The following EIPR1 variants were observed in gnomAD, a reference collection of about 807,000 sequenced individuals.
The protein encoded by EIPR1 is EARP and GARP complex-interacting protein 1.
In EIPR1, 25 loss-of-function variants were observed where a neutral mutation model predicts 48.1. The ratio of observed to expected loss-of-function variants is 0.52; its 90% CI spans 0.38 to 0.73. The LOEUF (loss-of-function observed/expected upper bound fraction) is 0.73, where lower values mean the gene tolerates loss of function less well. Among genes scored for constraint, EIPR1 ranks in the 30% least tolerant of loss-of-function variants. The probability of loss-of-function intolerance (pLI) is 0.00; values close to 1 mark genes in which losing one functional copy is unlikely to be tolerated. For missense variants in EIPR1, 415 were observed against 506.2 expected (o/e 0.82, Z 1.73); for synonymous variants, 204 against 201.9 (o/e 1.01, Z -0.09).
At chr2:3,264,833 G>A (rs1046700889) in intron 3 of EIPR1, among the ~76,000 whole-genome samples, 2 of 152,038 alleles carry the variant, frequency 1.3e-5, no homozygotes, top group Non-Finnish European at 2.9e-5. Flanking sequence ...GATTACTGGT[G>A]CCGCCACCAT....
rs191764379 is a variant in EIPR1 at position 3,217,869 on chromosome 2, T to C, written c.417-3621A>G. 3.0e-4 allele frequency among the ~76,000 whole-genome samples: 45 copies of C among 152,242 alleles called. 1 individual carries two copies. In the East Asian group the frequency reaches 7.5e-3, roughly 25 times the overall value. On this transcript the variant is annotated intron_variant, in intron 4 of 8. Coordinates refer to ENST00000382125, the MANE Select transcript of EIPR1 (RefSeq NM_003310.5). ...ACCCCACAGAGTGTGAGTGTCACCTTAGCTGAGAAACCCCCATTGCCACTC... is the reference window on the plus strand; with the variant it reads ...ACCCCACAGAGTGTGAGTGTCACCTCAGCTGAGAAACCCCCATTGCCACTC...
intron 2 of EIPR1, chr2:3,353,072 A>C: frequency 2.7e-6 from 1 of 374,204 alleles, no homozygotes; most frequent in Non-Finnish European, 5.4e-6. Flanking sequence ...TATTCATATA[A>C]CTTTCATAAC....
chr2:3,199,596 A>G (rs939038850), intron 5 of EIPR1, among the ~76,000 whole-genome samples: 1 of 152,230 alleles, frequency 6.6e-6, no homozygotes, highest in African/African-American at 2.4e-5. Context: ...CAGGGTACCC[A>G]TGACTCCATA....
chr2:3,200,218 G>A (rs1427284507), intron 5 of EIPR1, among the ~76,000 whole-genome samples: 10 of 152,106 alleles, frequency 6.6e-5, no homozygotes, highest in Admixed American at 2.0e-4. Flanking sequence ...GATGGCTGCC[G>A]ATGGGCTCCT....
At chr2:3,287,006 C>T (rs1405339624) in intron 3 of EIPR1, among the ~76,000 whole-genome samples, 2 of 77,340 alleles carry the variant, frequency 2.6e-5, no homozygotes, top group African/African-American at 5.4e-5. Flanking sequence ...CCGGCAGAGG[C>T]GGCGGTGGGG....
chr2:3,334,069 A>C (rs1430017173), intron 3 of EIPR1, among the ~76,000 whole-genome samples: 1 of 152,230 alleles, frequency 6.6e-6, no homozygotes. Context: ...GAGCAACAAC[A>C]AAGAAAACAC....
intron 3 of EIPR1, among the ~76,000 whole-genome samples, chr2:3,314,875 G>A (rs1388300340): frequency 1.3e-5 from 2 of 151,832 alleles, no homozygotes; most frequent in African/African-American, 4.9e-5. Flanking sequence ...GCTCTGCCTG[G>A]TGACCTGCCG....
intron 2 of EIPR1, among the ~76,000 whole-genome samples, chr2:3,347,095 C>T (rs547916108): frequency 6.6e-6 from 1 of 152,298 alleles, no homozygotes; most frequent in African/African-American, 2.4e-5. Flanking sequence ...CCTGCTCCCA[C>T]TTCGCCTTCC....
At chr2:3,263,869 T>C (rs1226047634) in intron 3 of EIPR1, among the ~76,000 whole-genome samples, 3 of 152,126 alleles carry the variant, frequency 2.0e-5, no homozygotes, top group Non-Finnish European at 4.4e-5. Flanking sequence ...AAAATGCATA[T>C]ATTTATAGTA....
chr2:3,336,852 AGGGAAGGGAAGG>A (rs1670063821), intron 3 of EIPR1, among the ~76,000 whole-genome samples: 3 of 136,248 alleles, frequency 2.2e-5, no homozygotes, highest in Non-Finnish European at 4.8e-5. Context: ...GGAAGGGAAA[AGGGAAGGGAAGG>A]GAAAAGGGAA....
chr2:3,243,841 G>A (rs568358425), intron 4 of EIPR1, among the ~76,000 whole-genome samples: 5 of 152,276 alleles, frequency 3.3e-5, no homozygotes, highest in South Asian at 2.1e-4. Context: ...GGGCTGTGAC[G>A]TACAGGGCAT....
At position 3,369,348 on chromosome 2, in the gene EIPR1, G is replaced by A. The variant is rs550139377; in HGVS notation, c.42+8300C>T. On this transcript the variant is annotated intron_variant, in intron 1 of 8. Coordinates refer to ENST00000382125, the MANE Select transcript of EIPR1 (RefSeq NM_003310.5). Reference sequence around the variant, plus strand: ...TTTCTGCATTTCCATATGAGGTACCGGGTTCATCTCACTAGGGAGTGCCAG... The same window carrying A: ...TTTCTGCATTTCCATATGAGGTACCAGGTTCATCTCACTAGGGAGTGCCAG... Among the ~76,000 whole-genome samples, 54 of 152,312 alleles carry A rather than the reference G, an allele frequency of 3.5e-4. No homozygotes were observed. The South Asian group carries it at 5.8e-3, about 16-fold the overall frequency.
intron 3 of EIPR1, among the ~76,000 whole-genome samples, chr2:3,275,165 A>C (rs1440229588): frequency 1.3e-5 from 2 of 152,346 alleles, no homozygotes; most frequent in East Asian, 3.8e-4. Context: ...ATTGTTTACA[A>C]GACATATCCC....
chr2:3,193,995 C>T lies in EIPR1; in HGVS notation c.821+4G>A. The T allele has an allele frequency of 6.2e-7, 1 of 1,613,466 alleles. No individual in the cohort carries two copies. The highest frequency in any genetic ancestry group is 2.2e-5 in the East Asian group (1 of 44,866). On this transcript the variant is annotated splice_donor_region_variant and intron_variant, in intron 7 of 8. Coordinates refer to ENST00000382125, the MANE Select transcript of EIPR1 (RefSeq NM_003310.5). ...CTCCCTGAAGCAGCCAGGAGCGGCC[C>T]TACCAGTGGGAGTGCTCCTCCAGGG...
At chr2:3,198,391 C>T (rs531618937) in intron 5 of EIPR1, among the ~76,000 whole-genome samples, 29 of 151,904 alleles carry the variant, frequency 1.9e-4, no homozygotes, top group East Asian at 7.7e-4. Context: ...CAGTGAGAGA[C>T]GCAGACACTG....
At chr2:3,214,985 G>GA (rs1665581230) in intron 4 of EIPR1, among the ~76,000 whole-genome samples, 1 of 152,182 alleles carries the variant, frequency 6.6e-6, no homozygotes, top group African/African-American at 2.4e-5. Context: ...AGGACACAGT[G>GA]AGAAGGCAGC....
intron 3 of EIPR1, among the ~76,000 whole-genome samples, chr2:3,273,725 C>T (rs934978053): frequency 2.0e-5 from 3 of 152,126 alleles, no homozygotes; most frequent in African/African-American, 7.2e-5. Flanking sequence ...TTTCCATAAA[C>T]AAATGAGAAT....
At position 3,280,790 on chromosome 2, in the gene EIPR1, C is replaced by T. The variant is rs531472391; in HGVS notation, c.260-23335G>A. On this transcript the variant is annotated intron_variant, in intron 3 of 8. Transcript: ENST00000382125. ...CCACAGTGAAAGCTGTGCCTTCCAG[C>T]GCACTCAAGGAGAGGCAGCTCCTCT... Among the ~76,000 whole-genome samples, 12 of 152,254 alleles carry T rather than the reference C, an allele frequency of 7.9e-5. No homozygotes were observed. The East Asian group carries it at 1.9e-3, about 25-fold the overall frequency.
At chr2:3,320,674 G>A (rs1321886269) in intron 3 of EIPR1, 1 of 152,238 alleles carries the variant, frequency 6.6e-6, no homozygotes, top group Non-Finnish European at 1.5e-5. Flanking sequence ...GAACTCAGGT[G>A]AATTGATATT....
Sources: allele counts gnomAD v4.1 joint callset (sites outside exome capture counted in the v4.1 genomes callset), GRCh38; gene constraint gnomAD v4.1.1; transcripts MANE v1.5; gene names NCBI Gene and HGNC (gene_info 2026-07-23, HGNC 2026-07-21).